PRICKLE2: variants seen among roughly 807,000 people sequenced by gnomAD.
PRICKLE2 encodes prickle-like protein 2.
PRICKLE2 carries 21 observed loss-of-function variants against 81.4 expected under a neutral mutation model. That is an observed-to-expected ratio of 0.26 (90% CI 0.18 to 0.37). The LOEUF (loss-of-function observed/expected upper bound fraction) is 0.37. Among genes scored for constraint, PRICKLE2 ranks in the 10% least tolerant of loss-of-function variants. PRICKLE2 has a pLI of 1.00. For synonymous variants in PRICKLE2, 456 were observed against 421.5 expected, an observed-to-expected ratio of 1.08 and a Z score of -1.00; for missense variants, 940 against 1,109.0, an observed-to-expected ratio of 0.85 and a Z score of 2.16.
chr3:64,193,526 A>G (rs758187327), intron 2 of PRICKLE2, among the ~76,000 whole-genome samples: 1 of 152,248 alleles, frequency 6.6e-6, no homozygotes, highest in African/African-American at 2.4e-5. Context: ...TATAAGGCCT[A>G]GAAAAGACAG....
At position 64,192,334 on chromosome 3, in the gene PRICKLE2, G is replaced by A. The variant is rs564244748; in HGVS notation, c.144+6450C>T. Among the ~76,000 whole-genome samples, 5 of 152,150 alleles carry A rather than the reference G, an allele frequency of 3.3e-5. No individual in the cohort carries two copies. The South Asian group carries it at 1.0e-3, about 32-fold the overall frequency. On this transcript the variant is annotated intron_variant, in intron 2 of 7. Transcript: ENST00000638394. Reference sequence around the variant, plus strand: ...AAGCATGCAAGATTCCTGCCCTCCTGGGCCTTAAAGGAAAGTAGGGAAGCC... The same window carrying A: ...AAGCATGCAAGATTCCTGCCCTCCTAGGCCTTAAAGGAAAGTAGGGAAGCC...
At chr3:64,253,764 CCA>C (rs151105905) in intron 2 of PRICKLE2, among the ~76,000 whole-genome samples, 5,516 of 152,220 alleles carry the variant, frequency 0.036, 329 homozygotes, top group African/African-American at 0.12. Context: ...TTACTTCTTA[CCA>C]CAGTTTATCA....
chr3:64,202,127 T>C (rs929428189), intron 1 of PRICKLE2, among the ~76,000 whole-genome samples: 4 of 152,242 alleles, frequency 2.6e-5, no homozygotes, highest in African/African-American at 7.2e-5. Flanking sequence ...ACTGTCTGGA[T>C]GACTGCAGTT....
At chr3:64,103,624 A>G (rs1437444793) in intron 7 of PRICKLE2, 1 of 152,204 alleles carries the variant, frequency 6.6e-6, no homozygotes, top group East Asian at 1.9e-4. Context: ...ACTGAGATGT[A>G]GTTTTAATAT....
chr3:64,192,136 C>T (rs566782819), intron 2 of PRICKLE2, among the ~76,000 whole-genome samples: 4 of 152,240 alleles, frequency 2.6e-5, no homozygotes, highest in African/African-American at 9.6e-5. Flanking sequence ...ATGGAATAAC[C>T]CTTTATGTCG....
chr3:64,209,551 C>T (rs1428696397), intron 1 of PRICKLE2, among the ~76,000 whole-genome samples: 1 of 152,184 alleles, frequency 6.6e-6, no homozygotes, highest in Non-Finnish European at 1.5e-5. Context: ...TCCATCCACC[C>T]ATCTATCCAT....
intron 7 of PRICKLE2, chr3:64,101,327 T>A (rs527589311): frequency 1.3e-5 from 2 of 152,304 alleles, no homozygotes; most frequent in East Asian, 3.9e-4. Flanking sequence ...AATGGATAAA[T>A]ATATTGTGGT....
intron 7 of PRICKLE2, among the ~76,000 whole-genome samples, chr3:64,126,552 T>C (rs2077109885): frequency 6.6e-6 from 1 of 152,206 alleles, no homozygotes; most frequent in Non-Finnish European, 1.5e-5. Context: ...TGCCTCTCAT[T>C]AGCCATGTGA....
intron 1 of PRICKLE2, among the ~76,000 whole-genome samples, chr3:64,210,185 G>A (rs190888544): frequency 1.5e-4 from 23 of 152,154 alleles, no homozygotes; most frequent in Non-Finnish European, 2.2e-4. Context: ...TCCCTAACCC[G>A]TTTCTCCTTG....
At position 64,099,907 on chromosome 3, in the gene PRICKLE2, C is replaced by T. The variant is rs749378051; in HGVS notation, c.1679G>A (p.Gly560Asp). The T allele has an allele frequency of 2.1e-5, 34 of 1,614,048 alleles. No individual in the cohort carries two copies. Among genetic ancestry groups the T allele is most frequent in the Non-Finnish European group, 2.8e-5 (33 of 1,180,052 alleles). Residue 560 changes from glycine (G) to aspartate (D), a missense_variant, in exon 8 of 8, where the codon GGT becomes GAT. By Grantham distance (94) the Gly-to-Asp change is moderately conservative. Coordinates refer to ENST00000638394, the MANE Select transcript of PRICKLE2 (RefSeq NM_198859.4). This position sits in a 1 kb window ranked among gnomAD's most constrained non-coding sequence, Gnocchi z 4.3. ...SNATGLSADGGAKRQEHLSRF... is the reference protein window; with the variant it reads ...SNATGLSADGDAKRQEHLSRF... ...GGATAGGTGCTCCTGGCGCTTGGCA[C>T]CACCATCAGCAGAGAGGCCTGGGGA...
intron 2 of PRICKLE2, among the ~76,000 whole-genome samples, chr3:64,258,841 AAAAAAAAGAAAGAAAGAAAG>A (rs1158587670): frequency 1.1e-3 from 42 of 39,350 alleles, no homozygotes; most frequent in African/African-American, 2.2e-3. Flanking sequence ...AAAAAAAAAA[AAAAAAAAGAAAGAAAGAAAG>A]AAAGAAAGAA....
intron 7 of PRICKLE2, among the ~76,000 whole-genome samples, chr3:64,111,064 G>C (rs948063001): frequency 6.6e-6 from 1 of 151,726 alleles, no homozygotes; most frequent in African/African-American, 2.4e-5. Flanking sequence ...CATTGGCTTT[G>C]GAGTTCACCT....
intron 1 of PRICKLE2, among the ~76,000 whole-genome samples, chr3:64,221,457 A>G (rs1015103986): frequency 3.5e-4 from 51 of 146,756 alleles, no homozygotes; most frequent in Middle Eastern, 3.4e-3. Flanking sequence ...ACACACACAC[A>G]CGCACACACA....
At chr3:64,174,086 G>T (rs772029840) in intron 2 of PRICKLE2, among the ~76,000 whole-genome samples, 1 of 152,044 alleles carries the variant, frequency 6.6e-6, no homozygotes, top group Non-Finnish European at 1.5e-5. Flanking sequence ...ATGCTAGTAC[G>T]TTGTTATCAA....
intron 1 of PRICKLE2, 35 bp downstream of exon 1, chr3:64,224,875 T>C (rs2079009157): frequency 1.0e-6 from 1 of 978,904 alleles, no homozygotes; most frequent in Non-Finnish European, 1.2e-6. Flanking sequence ...TATACTGCTG[T>C]TTAATTTGTG....
At chr3:64,111,537 C>T (rs906382261) in intron 7 of PRICKLE2, among the ~76,000 whole-genome samples, 5 of 152,132 alleles carry the variant, frequency 3.3e-5, no homozygotes, top group Non-Finnish European at 7.3e-5. Flanking sequence ...AGTGACACTC[C>T]CCAGCTTCTA....
At chr3:64,150,930 A>G (rs1161860666) in intron 6 of PRICKLE2, among the ~76,000 whole-genome samples, 1 of 152,174 alleles carries the variant, frequency 6.6e-6, no homozygotes, top group Admixed American at 6.5e-5. Flanking sequence ...AACTCTAAAC[A>G]TCTGGAAAAG....
chr3:64,111,006 C>G (rs1020723594), intron 7 of PRICKLE2, among the ~76,000 whole-genome samples: 2 of 143,912 alleles, frequency 1.4e-5, no homozygotes, highest in African/African-American at 5.1e-5. Flanking sequence ...GTGCTGCTGG[C>G]AAAATTATAA....
chr3:64,252,238 C>T (rs541449063), intron 2 of PRICKLE2, among the ~76,000 whole-genome samples: 1 of 152,296 alleles, frequency 6.6e-6, no homozygotes, highest in East Asian at 1.9e-4. Context: ...CATGATTAGA[C>T]ACTCTGAGGT....
Sources: gnomAD v4.1 joint callset for allele counts (sites outside exome capture counted in the v4.1 genomes callset) on GRCh38, gnomAD v4.1.1 for gene constraint, Gnocchi (gnomAD v3.1) non-coding constraint, MANE v1.5 for transcripts, NCBI Gene and HGNC (gene_info 2026-07-23, HGNC 2026-07-21) for gene names.